The following GPD1L variants were observed in gnomAD, a reference collection of about 807,000 sequenced individuals.
GPD1L encodes glycerol-3-phosphate dehydrogenase 1-like protein.
A neutral mutation model predicts 32.9 loss-of-function variants in GPD1L; 17 were observed. The ratio of observed to expected loss-of-function variants is 0.52; its 90% CI spans 0.35 to 0.78. The LOEUF (loss-of-function observed/expected upper bound fraction) is 0.78. Among genes scored for constraint, GPD1L ranks in the 30% least tolerant of loss-of-function variants. The pLI, the probability that GPD1L is intolerant of heterozygous loss-of-function variation, is 0.01. For missense variants in GPD1L, 361 were observed against 447.8 expected (o/e 0.81, Z 1.75); for synonymous variants, 187 against 165.9 (o/e 1.13, Z -0.98).
At chr3:32,110,398 A>C (rs1700230055) in intron 1 of GPD1L, among the ~76,000 whole-genome samples, 1 of 152,132 alleles carries the variant, frequency 6.6e-6, no homozygotes, top group Admixed American at 6.5e-5. Flanking sequence ...TCTGGTTCTT[A>C]CCTCAGGAAT....
At position 32,145,092 on chromosome 3, in the gene GPD1L, G is replaced by A. The variant is rs919354288; in HGVS notation, c.506-1530G>A. ...CCAGCACTTGGGAAGGCCAAGGCAGGTGGATTGCTGGAGGTCAGGAGTTCG... is the reference window on the plus strand; with the variant it reads ...CCAGCACTTGGGAAGGCCAAGGCAGATGGATTGCTGGAGGTCAGGAGTTCG... On this transcript the variant is annotated intron_variant, in intron 4 of 7. Transcript: ENST00000282541. 6.6e-5 allele frequency among the ~76,000 whole-genome samples: 10 copies of A among 151,904 alleles called. No individual in the cohort carries two copies. The South Asian group carries it at 2.1e-3, about 32-fold the overall frequency.
intron 4 of GPD1L, among the ~76,000 whole-genome samples, chr3:32,144,279 C>A (rs2125488827): frequency 6.6e-6 from 1 of 152,242 alleles, no homozygotes; most frequent in African/African-American, 2.4e-5. Context: ...CCTCAAAATC[C>A]TGTCATGGTG....
At chr3:32,145,047 G>A (rs1199555181) in intron 4 of GPD1L, among the ~76,000 whole-genome samples, 1 of 151,732 alleles carries the variant, frequency 6.6e-6, no homozygotes, top group African/African-American at 2.4e-5. Flanking sequence ...GGCCGGGTGC[G>A]GTGGCTCATG....
chr3:32,137,552 C>A (rs1460967486), intron 2 of GPD1L, among the ~76,000 whole-genome samples: 2 of 152,156 alleles, frequency 1.3e-5, no homozygotes, highest in African/African-American at 2.4e-5. Flanking sequence ...TCACATGGTA[C>A]ACGTAGCTGC....
rs1700831211 is a variant in GPD1L at position 32,146,645 on chromosome 3, C to T, written c.529C>T (p.Leu177Phe). The T allele has an allele frequency of 6.2e-7, 1 of 1,611,668 alleles. No homozygotes were observed. The highest frequency in any genetic ancestry group is 8.5e-7 in the Non-Finnish European group (1 of 1,177,836). ...AGGCAGCAAAGTAATGGAGAACGGC[C>T]TTCTCTTCAAAGAACTTCTGCAGAC... is the stretch of plus-strand genomic sequence containing the variant. ...TIGSKVMENGLLFKELLQTPN... is the reference protein window; with the variant it reads ...TIGSKVMENGFLFKELLQTPN... Residue 177 changes from leucine to phenylalanine, a missense_variant, in exon 5 of 8, where the codon CTT becomes TTT. Coordinates refer to ENST00000282541, the MANE Select transcript of GPD1L (RefSeq NM_015141.4).
At chr3:32,110,159 C>G (rs1700225897) in intron 1 of GPD1L, among the ~76,000 whole-genome samples, 2 of 152,254 alleles carry the variant, frequency 1.3e-5, no homozygotes, top group African/African-American at 4.8e-5. Flanking sequence ...ACGTCGTGAT[C>G]TGCCTGCCTC....
rs1320167931 is a variant in GPD1L at position 32,118,456 on chromosome 3, C to T, written c.48-9620C>T. 7.9e-5 allele frequency among the ~76,000 whole-genome samples: 12 copies of T among 152,108 alleles called. No homozygotes were observed. The South Asian group carries it at 2.3e-3, about 29-fold the overall frequency. ...GGCCTGAGGTTCAGCATTTCTAACA[C>T]GCTCTCAGGGATATATTCACTGCTG... is the stretch of plus-strand genomic sequence containing the variant. On this transcript the variant is annotated intron_variant, in intron 1 of 7. Coordinates refer to ENST00000282541, the MANE Select transcript of GPD1L (RefSeq NM_015141.4).
chr3:32,142,408 C>T (rs1226837055), intron 4 of GPD1L, among the ~76,000 whole-genome samples: 3 of 152,276 alleles, frequency 2.0e-5, no homozygotes, highest in Non-Finnish European at 2.9e-5. Flanking sequence ...TGAGCCACCG[C>T]GCCCGGCTGA....
In GPD1L at chr3:32,106,795, C is replaced by T; in HGVS notation, c.47+37C>T. 6.5e-7 allele frequency: 1 copy of T among 1,539,964 alleles called. No individual in the cohort carries two copies. Among genetic ancestry groups the T allele is most frequent in the South Asian group, 1.2e-5 (1 of 82,838 alleles). ...CGGGCTGGAGGCCGGGGCTCCGCTT[C>T]CAGGAAGCGCCTCTCCCGGGCGGTG... On this transcript the variant is annotated intron_variant, in intron 1 of 7. Transcript: ENST00000282541. The surrounding 1 kb of genome is among the most constrained non-coding windows in gnomAD (Gnocchi z 4.0).
intron 4 of GPD1L, among the ~76,000 whole-genome samples, chr3:32,145,443 T>C (rs1178740041): frequency 6.6e-5 from 10 of 152,216 alleles, no homozygotes; most frequent in Non-Finnish European, 2.9e-5. Flanking sequence ...ATTGCGTTAT[T>C]TGCAGCCACA....
intron 4 of GPD1L, among the ~76,000 whole-genome samples, chr3:32,142,641 A>G (rs912269696): frequency 1.3e-5 from 2 of 152,156 alleles, no homozygotes; most frequent in African/African-American, 4.8e-5. Flanking sequence ...ACTCAATCCT[A>G]TTTGCCAATA....
intron 5 of GPD1L, among the ~76,000 whole-genome samples, chr3:32,156,694 T>G (rs1241185768): frequency 2.0e-5 from 3 of 152,166 alleles, no homozygotes; most frequent in South Asian, 2.1e-4. Context: ...CAAGTCTGTT[T>G]GTCATGGTGA....
rs1701181786 is a variant in GPD1L, at chr3:32,168,668, A to G, written c.*2758A>G. 6.6e-6 allele frequency: 1 copy of G among 152,666 alleles called. No individual in the cohort carries two copies. The highest frequency in any genetic ancestry group is 2.1e-4 in the South Asian group (1 of 4,834). The allele number at this position is 152,666 out of a possible 1,614,324, so 9.5% of individuals were successfully genotyped here. ...TTGTTTATAGACTGTAGGTGGATATATAATTTAAAAGCTTGATTTAATAAA... is the reference window on the plus strand; with the variant it reads ...TTGTTTATAGACTGTAGGTGGATATGTAATTTAAAAGCTTGATTTAATAAA... On this transcript the variant is annotated 3_prime_UTR_variant, in exon 8 of 8. Transcript: ENST00000282541.
At chr3:32,123,280 T>C (rs1030920859) in intron 1 of GPD1L, among the ~76,000 whole-genome samples, 46 of 152,106 alleles carry the variant, frequency 3.0e-4, no homozygotes, top group African/African-American at 1.1e-3. Flanking sequence ...CAAAACCCAG[T>C]AGAATGAAAA....
chr3:32,114,468 T>C (rs1164206067), intron 1 of GPD1L, among the ~76,000 whole-genome samples: 2 of 152,206 alleles, frequency 1.3e-5, no homozygotes, highest in Admixed American at 6.5e-5. Context: ...AATTTTATAT[T>C]ATGATGGAGG....
At chr3:32,120,259 A>G (rs1183279078) in intron 1 of GPD1L, among the ~76,000 whole-genome samples, 27 of 152,126 alleles carry the variant, frequency 1.8e-4, no homozygotes, top group Admixed American at 1.8e-3. Flanking sequence ...CGGAGGTTGC[A>G]GTGAGTCAAG....
chr3:32,121,525 ATATATTTCTATGTATATATTTC>A (rs1700413653), intron 1 of GPD1L, among the ~76,000 whole-genome samples: 1 of 123,366 alleles, frequency 8.1e-6, no homozygotes, highest in African/African-American at 3.4e-5. Context: ...TTCTCTCTAT[ATATATTTCTATGTATATATTTC>A]TATATATATA....
At chr3:32,157,951 G>T (rs1701017729) in intron 5 of GPD1L, among the ~76,000 whole-genome samples, 2 of 152,184 alleles carry the variant, frequency 1.3e-5, no homozygotes, top group African/African-American at 4.8e-5. Flanking sequence ...CTCATTTGGG[G>T]ATTATTAAAT....
chr3:32,150,849 G>T (rs1700908922), intron 5 of GPD1L, among the ~76,000 whole-genome samples: 1 of 152,120 alleles, frequency 6.6e-6, no homozygotes, highest in African/African-American at 2.4e-5. Flanking sequence ...CAGCACTTTG[G>T]GAGGCCGAGG....
Sources: gnomAD v4.1 joint callset for allele counts (sites outside exome capture counted in the v4.1 genomes callset) on GRCh38, gnomAD v4.1.1 for gene constraint, Gnocchi (gnomAD v3.1) non-coding constraint, MANE v1.5 for transcripts, NCBI Gene and HGNC (gene_info 2026-07-23, HGNC 2026-07-21) for gene names.